SLC14A2: variants seen among roughly 807,000 people sequenced by gnomAD.
The protein encoded by SLC14A2 is urea transporter 2.
Under a neutral mutation model 104.6 loss-of-function variants are expected in SLC14A2, and 91 were observed. The ratio of observed to expected loss-of-function variants is 0.87; its 90% CI spans 0.73 to 1.04. The LOEUF (loss-of-function observed/expected upper bound fraction) is 1.04. Ranked by LOEUF, SLC14A2 falls within the 50% of genes least tolerant of loss-of-function variation. The pLI is 0.00. For synonymous variants in SLC14A2, 476 were observed against 466.4 expected (o/e 1.02, Z -0.27); for missense variants, 1,189 against 1,156.0 (o/e 1.03, Z -0.41).
chr18:45,388,491 T>C (rs2085925533), intron 1 of SLC14A2, among the ~76,000 whole-genome samples: 1 of 152,168 alleles, frequency 6.6e-6, no homozygotes, highest in African/African-American at 2.4e-5. Flanking sequence ...GCTGGTTGGA[T>C]AGCATCTTCC....
chr18:45,515,448 G>A (rs1029082479), intron 2 of SLC14A2: 4 of 152,160 alleles, frequency 2.6e-5, no homozygotes, highest in Admixed American at 6.5e-5. Flanking sequence ...AGTAGACTGC[G>A]AAATGGAGCA....
At chr18:45,520,721 A>G (rs543200246) in intron 2 of SLC14A2, among the ~76,000 whole-genome samples, 2 of 152,318 alleles carry the variant, frequency 1.3e-5, no homozygotes, top group Admixed American at 6.5e-5. Flanking sequence ...GTTCTCACAC[A>G]TCTAGCTGTG....
intron 1 of SLC14A2, among the ~76,000 whole-genome samples, chr18:45,457,406 T>C (rs1292533166): frequency 2.6e-5 from 4 of 152,086 alleles, no homozygotes; most frequent in Admixed American, 6.5e-5. Flanking sequence ...CAACTGCATA[T>C]ATGTGCAGAG....
chr18:45,664,917 C>T (rs2144625345), intron 11 of SLC14A2, among the ~76,000 whole-genome samples: 1 of 152,246 alleles, frequency 6.6e-6, no homozygotes, highest in Non-Finnish European at 1.5e-5. Flanking sequence ...AACATCGTCT[C>T]AGGATAGGGG....
intron 1 of SLC14A2, among the ~76,000 whole-genome samples, chr18:45,438,562 GT>G (rs1326094135): frequency 6.6e-6 from 1 of 152,176 alleles, no homozygotes; most frequent in Non-Finnish European, 1.5e-5. Flanking sequence ...GTTTAAGACT[GT>G]GTTTAAGATG....
intron 1 of SLC14A2, among the ~76,000 whole-genome samples, chr18:45,380,512 G>C (rs2085823435): frequency 6.6e-6 from 1 of 152,152 alleles, no homozygotes; most frequent in South Asian, 2.1e-4. Context: ...GTCTATGATT[G>C]GCAATCTCAA....
intron 18 of SLC14A2, 21 bp from the exon 19 acceptor site, chr18:45,678,951 TTTC>T: frequency 5.8e-6 from 9 of 1,547,652 alleles, no homozygotes; most frequent in Non-Finnish European, 6.9e-6. Context: ...GGTCTATTTC[TTTC>T]TTTTTTTTTT....
At chr18:45,445,022 A>G (rs1258024666) in intron 1 of SLC14A2, among the ~76,000 whole-genome samples, 3 of 152,138 alleles carry the variant, frequency 2.0e-5, no homozygotes, top group East Asian at 3.9e-4. Context: ...ACTATGAAGG[A>G]ATGCAAAACA....
intron 2 of SLC14A2, among the ~76,000 whole-genome samples, chr18:45,542,837 G>A (rs937877474): frequency 1.3e-5 from 2 of 151,970 alleles, no homozygotes; most frequent in Admixed American, 1.3e-4. Context: ...TCAAGGAGTT[G>A]GATGTGGCCT....
chr18:45,172,984 A>G, the SLC14A2 span, among the ~76,000 whole-genome samples: 1 of 152,074 alleles, frequency 6.6e-6, no homozygotes, highest in Non-Finnish European at 1.5e-5. Flanking sequence ...CAGTTTCTTA[A>G]TAGTTTAGGA....
intron 1 of SLC14A2, among the ~76,000 whole-genome samples, chr18:45,329,479 C>G (rs2085268620): frequency 6.6e-6 from 1 of 152,192 alleles, no homozygotes; most frequent in Non-Finnish European, 1.5e-5. Context: ...CCCAGGGAAG[C>G]TTCCATTTAG....
the SLC14A2 span, among the ~76,000 whole-genome samples, chr18:45,174,839 AG>A: frequency 3.9e-5 from 6 of 152,188 alleles, no homozygotes; most frequent in Non-Finnish European, 8.8e-5. Flanking sequence ...CTAACAGAAA[AG>A]GAAATGCAAA....
rs1015156172 is a variant in SLC14A2 at position 45,627,203 on chromosome 18, G to A, written c.521+56G>A. ...GATGTGTGGAACAGAAAGTAGAGAGGTGTTTACTTGAGTAATCAGTCAACC... is the reference window on the plus strand; with the variant it reads ...GATGTGTGGAACAGAAAGTAGAGAGATGTTTACTTGAGTAATCAGTCAACC... On this transcript the variant is annotated intron_variant, in intron 4 of 19. Transcript: ENST00000255226. 5.4e-6 allele frequency: 8 copies of A among 1,494,862 alleles called. No individual in the cohort carries two copies. The African/African-American group carries it at 1.1e-4, about 21-fold the overall frequency. 92.6% of individuals were successfully genotyped at this position (1,494,862 alleles called of 1,614,324 possible). A position where few individuals can be genotyped will look rare whatever the true frequency, so the allele number is the denominator to read the frequency against.
chr18:45,309,190 T>G (rs2085053670), intron 1 of SLC14A2, among the ~76,000 whole-genome samples: 1 of 152,208 alleles, frequency 6.6e-6, no homozygotes, highest in Non-Finnish European at 1.5e-5. Context: ...TCCAAAATTA[T>G]AAAACCACCA....
At chr18:45,613,557 C>G (rs1006660799), upstream of SLC14A2, among the ~76,000 whole-genome samples, 7 of 152,174 alleles carry the variant, frequency 4.6e-5, no homozygotes, top group Non-Finnish European at 8.8e-5. Flanking sequence ...GTGATATGAA[C>G]AGTGAAGTCC....
chr18:45,530,969 G>C (rs1280767815), intron 2 of SLC14A2, among the ~76,000 whole-genome samples: 1 of 151,492 alleles, frequency 6.6e-6, no homozygotes, highest in Non-Finnish European at 1.5e-5. Context: ...TTGTCCTTGC[G>C]ATAGTTTGCT....
chr18:45,455,245 C>G (rs1170459893), intron 1 of SLC14A2, among the ~76,000 whole-genome samples: 1 of 152,078 alleles, frequency 6.6e-6, no homozygotes, highest in Non-Finnish European at 1.5e-5. Flanking sequence ...GGAACCAGCC[C>G]AAATGTCCAT....
intron 2 of SLC14A2, among the ~76,000 whole-genome samples, chr18:45,510,074 TTTC>T (rs1166950578): frequency 6.6e-6 from 1 of 152,214 alleles, no homozygotes; most frequent in Non-Finnish European, 1.5e-5. Flanking sequence ...CCAGGCTCAG[TTTC>T]TTCTTTGATG....
chr18:45,462,871 C>G (rs1438707310), intron 1 of SLC14A2, among the ~76,000 whole-genome samples: 2 of 152,184 alleles, frequency 1.3e-5, no homozygotes, highest in Non-Finnish European at 2.9e-5. Context: ...AAGTGAGGCA[C>G]TTAGCAAACT....
Sources: allele counts gnomAD v4.1 joint callset (sites outside exome capture counted in the v4.1 genomes callset), GRCh38; gene constraint gnomAD v4.1.1; transcripts MANE v1.5; gene names NCBI Gene and HGNC (gene_info 2026-07-23, HGNC 2026-07-21).